SLC8A2: variants seen among roughly 807,000 people sequenced by gnomAD.
SLC8A2 encodes the protein solute carrier family 8 member A2, also known as sodium/calcium exchanger 2.
In SLC8A2, 14 loss-of-function variants were observed where a neutral mutation model predicts 70.2. That is an observed-to-expected ratio of 0.20 (90% CI 0.13 to 0.31). SLC8A2 has a LOEUF of 0.31. Among genes scored for constraint, SLC8A2 ranks in the 10% least tolerant of loss-of-function variants. SLC8A2 has a pLI of 1.00. For missense variants in SLC8A2, 779 were observed against 1,320.1 expected, an observed-to-expected ratio of 0.59 and a Z score of 6.35; for synonymous variants, 575 against 594.3, an observed-to-expected ratio of 0.97 and a Z score of 0.47.
chr19:47,443,248 T>C (rs569436542), intron 4 of SLC8A2, among the ~76,000 whole-genome samples: 1 of 152,312 alleles, frequency 6.6e-6, no homozygotes, highest in East Asian at 1.9e-4. Flanking sequence ...AACCAAGTGC[T>C]GATGCTAACT....
rs867459624 is a variant in SLC8A2, at chr19:47,432,227, C to T, written c.2329G>A (p.Val777Ile). 14 of 1,613,780 alleles carry T rather than the reference C, an allele frequency of 8.7e-6. No homozygotes were observed. The highest frequency in any genetic ancestry group is 6.7e-5 in the African/African-American group (5 of 74,920). Reference sequence around the variant, plus strand: ...GCATTGACAGAGTCCTTGAGGCCAACGGTGCAGCCGAAGTGGGAGGCGAGG... The same window carrying T: ...GCATTGACAGAGTCCTTGAGGCCAATGGTGCAGCCGAAGTGGGAGGCGAGG... ...GDLASHFGCT[V>I]GLKDSVNAVV... The change falls in exon 9 of 10, where the codon GTT becomes ATT. Residue 777 changes from valine to isoleucine, a missense_variant. Around this residue, in one of 6 missense-constraint regions of SLC8A2, gnomAD observed 108 missense variants for 269.6 expected, o/e 0.40. Transcript: ENST00000236877. The surrounding 1 kb of genome is among the most constrained non-coding windows in gnomAD (Gnocchi z 6.2).
At chr19:47,436,939 A>T (rs1189368350) in intron 8 of SLC8A2, among the ~76,000 whole-genome samples, 7 of 152,102 alleles carry the variant, frequency 4.6e-5, no homozygotes, top group Non-Finnish European at 1.5e-5. Context: ...TGGCCACACC[A>T]TTTAATCTGT....
In SLC8A2 at chr19:47,428,415, G is replaced by A. The variant is rs1179247799; in HGVS notation, c.*1674C>T. ...TGGAAGCCCATGACTGATGGATGGG[G>A]GTGTGGCTAGTGGAAGAGCTAGGCT... On this transcript the variant is annotated 3_prime_UTR_variant, in exon 10 of 10. Transcript: ENST00000236877. 6.7e-6 allele frequency: 1 copy of A among 150,324 alleles called. No homozygotes were observed. Among genetic ancestry groups the A allele is most frequent in the Admixed American group, 6.6e-5 (1 of 15,074 alleles). The allele number at this position is 150,324 out of a possible 1,614,324, so 9.3% of individuals were successfully genotyped here. A position where few individuals can be genotyped will look rare whatever the true frequency, so the allele number is the denominator to read the frequency against.
intron 2 of SLC8A2, among the ~76,000 whole-genome samples, chr19:47,459,679 G>A (rs1228434819): frequency 6.7e-6 from 1 of 149,148 alleles, no homozygotes; most frequent in Non-Finnish European, 1.5e-5. Context: ...GTGCATGTGT[G>A]TGTGTGCATG....
Position 47,428,827 on chromosome 19 carries a change from G to C in SLC8A2, c.*1262C>G, listed in dbSNP as rs1205381042. 1 of 152,588 alleles carries C rather than the reference G, an allele frequency of 6.6e-6. No homozygotes were observed. The highest frequency in any genetic ancestry group is 6.5e-5 in the Admixed American group (1 of 15,274). 9.5% of individuals were successfully genotyped at this position (152,588 alleles called of 1,614,324 possible). On this transcript the variant is annotated 3_prime_UTR_variant, in exon 10 of 10. Coordinates refer to ENST00000236877, the MANE Select transcript of SLC8A2 (RefSeq NM_015063.3). ...GAATGCTGAAAACCTGTGGGAAGCA[G>C]AAAGTTATGGGGGTAGTTGGGTCAT...
chr19:47,452,204 A>G (rs2122635894), intron 3 of SLC8A2, among the ~76,000 whole-genome samples: 1 of 152,026 alleles, frequency 6.6e-6, no homozygotes, highest in South Asian at 2.1e-4. Context: ...AGAGTGTCAC[A>G]ATTATTGTTA....
At chr19:47,452,451 T>TGA (rs1568444613) in intron 3 of SLC8A2, among the ~76,000 whole-genome samples, 1 of 103,130 alleles carries the variant, frequency 9.7e-6, no homozygotes, top group Admixed American at 1.1e-4. Flanking sequence ...AGAGAGTGTG[T>TGA]GTGTGTGTGT....
intron 3 of SLC8A2, among the ~76,000 whole-genome samples, chr19:47,455,265 C>T (rs1967291470): frequency 6.6e-6 from 1 of 152,100 alleles, no homozygotes; most frequent in African/African-American, 2.4e-5. Context: ...AACAGTTCAG[C>T]CTCAGCTGTA....
chr19:47,469,100 C>T (rs1312754450), intron 1 of SLC8A2, among the ~76,000 whole-genome samples: 1 of 149,124 alleles, frequency 6.7e-6, no homozygotes, highest in Non-Finnish European at 1.5e-5. Context: ...AGAGAGCAAG[C>T]GAGGAGCATG....
chr19:47,429,279 G>C lies in SLC8A2; in HGVS notation c.*810C>G, dbSNP rs1465050023. On this transcript the variant is annotated 3_prime_UTR_variant, in exon 10 of 10. Transcript: ENST00000236877. ...TTTCCCAAGACATGCACCCTCCCGC[G>C]TCCCCCCTCCCCCAAACACACTATA... 1 of 152,316 alleles carries C rather than the reference G, an allele frequency of 6.6e-6. No individual in the cohort carries two copies. Among genetic ancestry groups the C allele is most frequent in the Non-Finnish European group, 1.5e-5 (1 of 68,064 alleles). The allele number at this position is 152,316 out of a possible 1,614,324, so 9.4% of individuals were successfully genotyped here.
At chr19:47,444,321 C>T (rs1450840229) in intron 4 of SLC8A2, among the ~76,000 whole-genome samples, 1 of 152,140 alleles carries the variant, frequency 6.6e-6, no homozygotes, top group Non-Finnish European at 1.5e-5. Context: ...AGACGCATCT[C>T]AACACACAAA....
Position 47,430,343 on chromosome 19 carries a change from C to T in SLC8A2, c.2512G>A (p.Ala838Thr). ...LGLGVAWSVAAVYWAVQGRPF... is the reference protein window; with the variant it reads ...LGLGVAWSVATVYWAVQGRPF... The stretch of plus-strand genomic sequence containing the variant: ...CGGCCCTGCACCGCCCAGTACACGG[C>T]GGCCACAGACCAGGCGACGCCCAGG... The change falls in exon 10 of 10, where the codon GCC (alanine) becomes ACC (threonine). Residue 838 changes from alanine (A) to threonine (T), a missense_variant. Around this residue, in one of 6 missense-constraint regions of SLC8A2, gnomAD observed 108 missense variants for 269.6 expected, o/e 0.40. Coordinates refer to ENST00000236877, the MANE Select transcript of SLC8A2 (RefSeq NM_015063.3). This position sits in a 1 kb window ranked among gnomAD's most constrained non-coding sequence, Gnocchi z 5.9. 2 of 1,612,166 alleles carry T rather than the reference C, an allele frequency of 1.2e-6. No homozygotes were observed. The highest frequency in any genetic ancestry group is 8.5e-7 in the Non-Finnish European group (1 of 1,179,410).
intron 3 of SLC8A2, among the ~76,000 whole-genome samples, chr19:47,451,208 C>T (rs1967230838): frequency 6.6e-6 from 1 of 151,998 alleles, no homozygotes; most frequent in Non-Finnish European, 1.5e-5. Context: ...TGGGGTTTCA[C>T]CATGTTGGCC....
At chr19:47,458,990 C>T (rs556972797) in intron 2 of SLC8A2, among the ~76,000 whole-genome samples, 3 of 151,118 alleles carry the variant, frequency 2.0e-5, no homozygotes, top group Non-Finnish European at 4.4e-5. Flanking sequence ...CCCTATCTCT[C>T]CCCACCCCCT....
chr19:47,465,321 G>C lies in SLC8A2; in HGVS notation c.675+408C>G, dbSNP rs758032020. Among the ~76,000 whole-genome samples, 5 of 152,046 alleles carry C rather than the reference G, an allele frequency of 3.3e-5. No individual in the cohort carries two copies. The highest frequency in any genetic ancestry group is 7.4e-5 in the Non-Finnish European group (5 of 67,984). ...CGGGAATCAGTTATGCAAAAGGTAG[G>C]GAGTGTAGGAAAACATGTGAACATA... On this transcript the variant is annotated intron_variant, in intron 2 of 9. Transcript: ENST00000236877. This position sits in a 1 kb window ranked among gnomAD's most constrained non-coding sequence, Gnocchi z 5.5.
chr19:47,456,893 C>T (rs1304316547), intron 3 of SLC8A2, 37 bp downstream of exon 3: 1 of 1,537,398 alleles, frequency 6.5e-7, no homozygotes. Flanking sequence ...ACGGCCTGCG[C>T]CAGCCCCCTG....
At chr19:47,440,436 T>C (rs997311273) in intron 6 of SLC8A2, among the ~76,000 whole-genome samples, 1 of 150,752 alleles carries the variant, frequency 6.6e-6, no homozygotes, top group Non-Finnish European at 1.5e-5. Context: ...ATTACAGACA[T>C]AATCTTTTGA....
intron 8 of SLC8A2, among the ~76,000 whole-genome samples, chr19:47,435,614 T>C: frequency 6.6e-6 from 1 of 151,486 alleles, no homozygotes; most frequent in South Asian, 2.1e-4. Context: ...AATGGTGCTA[T>C]CTCGGCTCAC....
intron 8 of SLC8A2, among the ~76,000 whole-genome samples, chr19:47,437,182 T>C (rs1454480147): frequency 6.6e-6 from 1 of 150,510 alleles, no homozygotes; most frequent in Non-Finnish European, 1.5e-5. Context: ...TGTGTATTTC[T>C]GTGTGTCTCT....
Sources: allele counts gnomAD v4.1 joint callset (sites outside exome capture counted in the v4.1 genomes callset), GRCh38; gene constraint gnomAD v4.1.1; regional missense constraint gnomAD v4.1.1; non-coding constraint Gnocchi (gnomAD v3.1); transcripts MANE v1.5; gene names NCBI Gene and HGNC (gene_info 2026-07-23, HGNC 2026-07-21).